SGCZ: variants seen among roughly 807,000 people sequenced by gnomAD.
SGCZ encodes the protein zeta-sarcoglycan.
In SGCZ, 40 loss-of-function variants were observed where a neutral mutation model predicts 41.3. The observed-to-expected ratio is 0.97, with a 90% CI of 0.75 to 1.26. SGCZ has a LOEUF of 1.26. Ranked by LOEUF, SGCZ falls within the 50% of genes most tolerant of loss-of-function variation. SGCZ has a pLI of 0.00. For missense variants in SGCZ, 552 were observed against 369.8 expected (o/e 1.49, Z -4.04); for synonymous variants, 206 against 137.5 (o/e 1.50, Z -3.49).
chr8:15,078,730 T>A (rs1805637003), intron 1 of SGCZ, among the ~76,000 whole-genome samples: 1 of 152,000 alleles, frequency 6.6e-6, no homozygotes, highest in African/African-American at 2.4e-5. Flanking sequence ...TACACAAATA[T>A]ATATATACAC....
intron 1 of SGCZ, among the ~76,000 whole-genome samples, chr8:15,234,686 G>A (rs1182802999): frequency 6.6e-6 from 1 of 152,230 alleles, no homozygotes; most frequent in South Asian, 2.1e-4. Flanking sequence ...TAGTTTAAAA[G>A]CTTGCAAAAG....
rs73520321 is a variant in SGCZ at position 14,088,411 on chromosome 8, T to G, written c.*2032A>C. Among the ~76,000 whole-genome samples, 3,707 of 151,962 alleles carry G rather than the reference T, an allele frequency of 0.024. 153 individuals carry two copies. Among genetic ancestry groups the G allele is most frequent in the African/African-American group, 0.084 (3,499 of 41,512 alleles). On this transcript the variant is annotated 3_prime_UTR_variant, in exon 8 of 8. Coordinates refer to ENST00000382080, the MANE Select transcript of SGCZ (RefSeq NM_139167.4). ...AATGGAAGGATGATTAGAACTTGAATATGTCTTAAATTAAATTACTACATA... is the reference window on the plus strand; with the variant it reads ...AATGGAAGGATGATTAGAACTTGAAGATGTCTTAAATTAAATTACTACATA...
At chr8:14,827,338 G>A (rs558865475) in intron 1 of SGCZ, among the ~76,000 whole-genome samples, 3 of 150,410 alleles carry the variant, frequency 2.0e-5, no homozygotes, top group African/African-American at 7.3e-5. Flanking sequence ...CCAGGTTCAA[G>A]CGATTCTTCT....
chr8:14,201,607 A>G (rs1805457436), intron 4 of SGCZ, among the ~76,000 whole-genome samples: 1 of 152,198 alleles, frequency 6.6e-6, no homozygotes, highest in Non-Finnish European at 1.5e-5. Flanking sequence ...CCGTAGATCT[A>G]GAAATTGATG....
chr8:14,868,892 G>T (rs1804036291), intron 1 of SGCZ, among the ~76,000 whole-genome samples: 1 of 152,084 alleles, frequency 6.6e-6, no homozygotes, highest in Non-Finnish European at 1.5e-5. Context: ...AAACCAGGAA[G>T]AAGCTGGATC....
intron 1 of SGCZ, among the ~76,000 whole-genome samples, chr8:14,567,575 T>A (rs1369059151): frequency 6.6e-6 from 1 of 152,082 alleles, no homozygotes; most frequent in Non-Finnish European, 1.5e-5. Flanking sequence ...TGGGTGGGGC[T>A]AGATAAGAGA....
chr8:14,305,907 C>G (rs745503555), intron 3 of SGCZ, among the ~76,000 whole-genome samples: 1 of 152,190 alleles, frequency 6.6e-6, no homozygotes, highest in Non-Finnish European at 1.5e-5. Context: ...TCTGCCACCA[C>G]GTGTTCAAGC....
At chr8:14,266,753 C>T (rs769478181) in intron 3 of SGCZ, among the ~76,000 whole-genome samples, 6 of 151,962 alleles carry the variant, frequency 3.9e-5, no homozygotes, top group Admixed American at 2.0e-4. Flanking sequence ...CAACTAAGAG[C>T]AAAATCCACA....
intron 2 of SGCZ, among the ~76,000 whole-genome samples, chr8:14,501,844 A>G (rs1418396757): frequency 1.3e-5 from 2 of 152,052 alleles, no homozygotes; most frequent in African/African-American, 4.8e-5. Context: ...GAGGTAAGTG[A>G]TTTCTATTTT....
chr8:14,652,954 T>C (rs1467568122), intron 1 of SGCZ, among the ~76,000 whole-genome samples: 1 of 152,094 alleles, frequency 6.6e-6, no homozygotes, highest in African/African-American at 2.4e-5. Context: ...TTTGTGAATA[T>C]GGATCATGTA....
chr8:15,208,694 T>C (rs11985550), intron 1 of SGCZ, among the ~76,000 whole-genome samples: 118,733 of 151,938 alleles, frequency 0.78, 46,862 homozygotes, highest in Non-Finnish European at 0.83. Flanking sequence ...GCTCAAGGTC[T>C]CACATAGCTA....
intron 1 of SGCZ, among the ~76,000 whole-genome samples, chr8:14,611,205 T>C (rs1414198590): frequency 6.6e-6 from 1 of 152,174 alleles, no homozygotes; most frequent in Non-Finnish European, 1.5e-5. Context: ...TCCTCAACAC[T>C]GAGTCTTTCC....
At chr8:14,775,246 C>G (rs1800366490) in intron 1 of SGCZ, among the ~76,000 whole-genome samples, 2 of 152,064 alleles carry the variant, frequency 1.3e-5, no homozygotes, top group South Asian at 4.2e-4. Flanking sequence ...CTTTGAGTAG[C>G]AAAGGTCTAG....
At chr8:14,233,461 G>T (rs1459703819) in intron 4 of SGCZ, among the ~76,000 whole-genome samples, 1 of 150,550 alleles carries the variant, frequency 6.6e-6, no homozygotes, top group Non-Finnish European at 1.5e-5. Flanking sequence ...TGATATTGTG[G>T]GAAACAGTAT....
At chr8:14,815,708 T>A (rs1801882834) in intron 1 of SGCZ, among the ~76,000 whole-genome samples, 2 of 152,182 alleles carry the variant, frequency 1.3e-5, no homozygotes, top group African/African-American at 4.8e-5. Context: ...ATGAGGAGTC[T>A]AACCAGACCC....
chr8:14,459,849 C>A (rs1800851722), intron 2 of SGCZ, among the ~76,000 whole-genome samples: 1 of 151,992 alleles, frequency 6.6e-6, no homozygotes, highest in Non-Finnish European at 1.5e-5. Flanking sequence ...CATCAGAGAA[C>A]CCCAAATTGA....
intron 1 of SGCZ, among the ~76,000 whole-genome samples, chr8:14,819,915 C>T (rs915489463): frequency 6.6e-6 from 1 of 151,854 alleles, no homozygotes; most frequent in Non-Finnish European, 1.5e-5. Context: ...AGAAAACCAC[C>T]AAACTACTAA....
chr8:14,689,104 G>T (rs919580629), intron 1 of SGCZ, among the ~76,000 whole-genome samples: 1 of 152,006 alleles, frequency 6.6e-6, no homozygotes, highest in Non-Finnish European at 1.5e-5. Context: ...ACTAGGAAAT[G>T]GTATTTGACT....
chr8:14,966,007 T>C (rs1398809517), intron 1 of SGCZ, among the ~76,000 whole-genome samples: 1 of 152,084 alleles, frequency 6.6e-6, no homozygotes, highest in Non-Finnish European at 1.5e-5. Context: ...AAAGTAATAG[T>C]CTTATTGCTT....
Sources: gnomAD v4.1 joint callset for allele counts (sites outside exome capture counted in the v4.1 genomes callset) on GRCh38, gnomAD v4.1.1 for gene constraint, MANE v1.5 for transcripts, NCBI Gene and HGNC (gene_info 2026-07-23, HGNC 2026-07-21) for gene names.